The following CFAP92 variants were observed in gnomAD, a reference collection of about 807,000 sequenced individuals.
CFAP92 encodes the protein cilia and flagella associated protein 92 (putative).
CFAP92 carries 86 observed loss-of-function variants against 106.3 expected under a neutral mutation model. That is an observed-to-expected ratio of 0.81 (90% CI 0.68 to 0.97). The LOEUF is 0.97. Among genes scored for constraint, CFAP92 ranks in the 50% least tolerant of loss-of-function variants. The pLI is 0.00. For missense variants in CFAP92, 1,204 were observed against 1,283.8 expected (o/e 0.94, Z 0.95); for synonymous variants, 477 against 506.4 (o/e 0.94, Z 0.78).
In CFAP92 at chr3:128,988,851, A is replaced by G. The variant is rs773949534; in HGVS notation, c.330T>C (p.Val110=). The G allele has an allele frequency of 6.2e-7, 1 of 1,613,926 alleles. No homozygotes were observed. Among genetic ancestry groups the G allele is most frequent in the South Asian group, 1.1e-5 (1 of 91,080 alleles). ...TGTGGTAAAAACGACGCATCTTTGT[A>G]ACAGAACTGTCTGTTTTAGGGTGTT... ...YKKHPKTDSS[V]TKMRRFYHIE... is the part of the protein sequence containing the mutation. The change falls in exon 3 of 16, where the codon GTT becomes GTC. Residue 110 remains valine (V), a synonymous_variant. Coordinates refer to ENST00000645291, the MANE Select transcript of CFAP92 (RefSeq NM_001394090.1).
the CFAP92 span, among the ~76,000 whole-genome samples, chr3:129,020,244 G>A: frequency 6.6e-6 from 1 of 152,128 alleles, no homozygotes; most frequent in South Asian, 2.1e-4. Context: ...CAGAGTGTGG[G>A]AGTTAATATT....
At chr3:128,939,822 C>T (rs1389628818) in intron 10 of CFAP92, among the ~76,000 whole-genome samples, 5 of 152,158 alleles carry the variant, frequency 3.3e-5, no homozygotes, top group African/African-American at 4.8e-5. Context: ...CTAGGTCCCT[C>T]GCATGCACAG....
chr3:129,005,906 AG>A (rs1945053969), upstream of CFAP92, among the ~76,000 whole-genome samples: 1 of 152,284 alleles, frequency 6.6e-6, no homozygotes, highest in East Asian at 1.9e-4. Context: ...TTTATCCAAG[AG>A]GAGAAATAAA....
At chr3:129,014,767 C>A in the CFAP92 span, among the ~76,000 whole-genome samples, 16 of 152,286 alleles carry the variant, frequency 1.1e-4, no homozygotes, top group Non-Finnish European at 2.2e-4. The surrounding 1 kb of genome is among the most constrained non-coding windows in gnomAD (Gnocchi z 4.3). Flanking sequence ...AGCAAAATCA[C>A]AGGGCTGGGC....
At chr3:129,024,347 C>G in the CFAP92 span, among the ~76,000 whole-genome samples, 1 of 152,118 alleles carries the variant, frequency 6.6e-6, no homozygotes, top group Middle Eastern at 3.4e-3. Context: ...GCCTGGCCAA[C>G]ATGGTAAAAC....
intron 10 of CFAP92, among the ~76,000 whole-genome samples, chr3:128,939,382 C>A (rs1427719993): frequency 1.3e-5 from 2 of 152,156 alleles, no homozygotes; most frequent in African/African-American, 4.8e-5. Flanking sequence ...TGGGTAATTG[C>A]CCACCTCAGC....
rs1451923267 is a variant in CFAP92, at chr3:128,945,235, C to T, written c.2094G>A (p.Leu698=). ...LGLDSYPVRT[L]QQILSAFKVR... is the part of the protein sequence containing the mutation. ...CCTTGAAGGCTGACAGGATCTGCTG[C>T]AGGGTCCTGACAGGGTAGGAGTCCA... Residue 698 remains leucine, a synonymous_variant, in exon 10 of 16, where the codon CTG becomes CTA. Transcript: ENST00000645291. 4.6e-6 allele frequency: 7 copies of T among 1,536,134 alleles called. No homozygotes were observed. The South Asian group carries it at 5.9e-5, about 13-fold the overall frequency.
At chr3:129,014,434 G>A in the CFAP92 span, among the ~76,000 whole-genome samples, 5,396 of 152,308 alleles carry the variant, frequency 0.035, 285 homozygotes, top group African/African-American at 0.12. The surrounding 1 kb of genome is among the most constrained non-coding windows in gnomAD (Gnocchi z 4.3). Context: ...GGCAGCCAGG[G>A]CCGCCTTCTC....
the CFAP92 span, among the ~76,000 whole-genome samples, chr3:129,024,529 G>A: frequency 4.1e-5 from 6 of 147,064 alleles, no homozygotes; most frequent in Admixed American, 1.4e-4. Context: ...AGACTCCGTC[G>A]CAAAAAAAAA....
At chr3:129,008,277 C>A in the CFAP92 span, among the ~76,000 whole-genome samples, 1 of 152,228 alleles carries the variant, frequency 6.6e-6, no homozygotes, top group Non-Finnish European at 1.5e-5. Flanking sequence ...TGGCCTCATG[C>A]AGGGAGTCTC....
the CFAP92 span, among the ~76,000 whole-genome samples, chr3:129,015,971 G>A: frequency 2.6e-4 from 39 of 152,342 alleles, no homozygotes; most frequent in South Asian, 7.9e-3. Flanking sequence ...GCCTGGCTGG[G>A]TTCTGAGGGA....
chr3:128,975,802 A>G lies in CFAP92; in HGVS notation c.998T>C (p.Ile333Thr). ...ESESLSSLTNILDRQRSQIKG... is the reference protein window; with the variant it reads ...ESESLSSLTNTLDRQRSQIKG... ...ACTTTGAGACCTTTGTCTGTCTAAT[A>G]TGTTTGTTAAGCTGCTAAGTGATTC... The change falls in exon 7 of 16, where the codon ATA becomes ACA. Residue 333 changes from isoleucine (I) to threonine (T), a missense_variant. By Grantham distance (89) the Ile-to-Thr change is moderately conservative. Transcript: ENST00000645291. 1.2e-6 allele frequency: 2 copies of G among 1,602,536 alleles called. No homozygotes were observed. Among genetic ancestry groups the G allele is most frequent in the Non-Finnish European group, 1.7e-6 (2 of 1,174,404 alleles).
At position 128,910,040 on chromosome 3, in the gene CFAP92, T is replaced by G. The variant is rs781601113; in HGVS notation, c.*259A>C. 1 of 1,613,834 alleles carries G rather than the reference T, an allele frequency of 6.2e-7. No homozygotes were observed. The highest frequency in any genetic ancestry group is 8.5e-7 in the Non-Finnish European group (1 of 1,179,984). The stretch of plus-strand genomic sequence containing the variant: ...TCCCAGACCATCATGGAGGAGCAGC[T>G]GGTACTGAAGCGGGTGGCCAACATC... On this transcript the variant is annotated 3_prime_UTR_variant, in exon 16 of 16. Coordinates refer to ENST00000645291, the MANE Select transcript of CFAP92 (RefSeq NM_001394090.1).
chr3:128,994,365 G>A (rs552924891), upstream of CFAP92, among the ~76,000 whole-genome samples: 1 of 152,326 alleles, frequency 6.6e-6, no homozygotes, highest in Admixed American at 6.5e-5. Flanking sequence ...AGGGGTTGAT[G>A]GCTCCTTCCT....
chr3:128,935,717 CA>C (rs1938936052), intron 10 of CFAP92, among the ~76,000 whole-genome samples: 1 of 151,812 alleles, frequency 6.6e-6, no homozygotes. Flanking sequence ...CGTCTCAAAA[CA>C]AAAACAAAAC....
At chr3:129,003,514 C>A (rs76429095), upstream of CFAP92, among the ~76,000 whole-genome samples, 801 of 151,628 alleles carry the variant, frequency 5.3e-3, 9 homozygotes, top group Middle Eastern at 0.014. Context: ...ATAGAGGGAA[C>A]AGAATACAGG....
At chr3:128,969,664 T>C (rs1459517029) in intron 8 of CFAP92, 1 of 152,116 alleles carries the variant, frequency 6.6e-6, no homozygotes, top group African/African-American at 2.4e-5. Context: ...AACTTCTTTT[T>C]CCTCTCACAG....
intron 1 of CFAP92, chr3:129,001,529 G>T: frequency 7.5e-7 from 1 of 1,336,494 alleles, no homozygotes; most frequent in Non-Finnish European, 9.5e-7. Flanking sequence ...GACCGCGACC[G>T]CTAAGCCCCT....
chr3:128,993,091 C>A lies in CFAP92; in HGVS notation c.214G>T (p.Val72Leu), dbSNP rs551233910. 6.2e-7 allele frequency: 1 copy of A among 1,614,100 alleles called. No individual in the cohort carries two copies. Among genetic ancestry groups the A allele is most frequent in the Non-Finnish European group, 8.5e-7 (1 of 1,179,908 alleles). Residue 72 changes from valine to leucine, a missense_variant, in exon 2 of 16, where the codon GTG (valine) becomes TTG (leucine). Transcript: ENST00000645291. ...ASTFSSDVPH[V>L]VPCKFTISLA... ...GAGATGGTGAATTTGCAGGGGACCA[C>A]GTGGGGCACGTCGGAGCTGAAAGTG...
Sources: allele counts gnomAD v4.1 joint callset (sites outside exome capture counted in the v4.1 genomes callset), GRCh38; gene constraint gnomAD v4.1.1; non-coding constraint Gnocchi (gnomAD v3.1); transcripts MANE v1.5; gene names NCBI Gene and HGNC (gene_info 2026-07-23, HGNC 2026-07-21).